SGCD: variants seen among roughly 807,000 people sequenced by gnomAD.
SGCD encodes delta-sarcoglycan.
Under a neutral mutation model 36.6 loss-of-function variants are expected in SGCD, and 18 were observed. The observed-to-expected ratio is 0.49, with a 90% CI of 0.34 to 0.73. SGCD has a LOEUF of 0.73. Ranked by LOEUF, SGCD falls within the 30% of genes least tolerant of loss-of-function variation. The probability of loss-of-function intolerance (pLI) is 0.01; values close to 1 mark genes in which losing one functional copy is unlikely to be tolerated. For missense variants in SGCD, 387 were observed against 346.7 expected (o/e 1.12, Z -0.92); for synonymous variants, 133 against 130.6 (o/e 1.02, Z -0.12).
At chr5:156,616,205 A>G (rs1045372030) in intron 6 of SGCD, among the ~76,000 whole-genome samples, 2 of 152,214 alleles carry the variant, frequency 1.3e-5, no homozygotes, top group African/African-American at 2.4e-5. Flanking sequence ...TCATCCTAAT[A>G]TAAATACAAC....
chr5:155,976,843 A>G (rs1290974741), intron 1 of SGCD, among the ~76,000 whole-genome samples: 1 of 151,952 alleles, frequency 6.6e-6, no homozygotes, highest in African/African-American at 2.4e-5. Context: ...AGCTGCCCAC[A>G]TCTCTCCAAG....
chr5:156,576,733 G>A (rs1244394228), intron 4 of SGCD, among the ~76,000 whole-genome samples: 1 of 152,116 alleles, frequency 6.6e-6, no homozygotes, highest in Non-Finnish European at 1.5e-5. Context: ...CTTTTGAAAA[G>A]TGTCTGTTCA....
At chr5:156,498,935 CGTGTGTGT>C (rs71577198) in intron 3 of SGCD, among the ~76,000 whole-genome samples, 23,315 of 149,424 alleles carry the variant, frequency 0.16, 2,237 homozygotes, top group East Asian at 0.24. Flanking sequence ...ATGTGTGCTA[CGTGTGTGT>C]GTGTGTGTGT....
chr5:155,939,172 T>C (rs1026387407), intron 1 of SGCD, among the ~76,000 whole-genome samples: 1 of 152,242 alleles, frequency 6.6e-6, no homozygotes, highest in East Asian at 1.9e-4. Flanking sequence ...CAATGGATTG[T>C]ATTCTTGAAA....
chr5:156,691,225 AAG>A (rs1561859678), intron 7 of SGCD, among the ~76,000 whole-genome samples: 2 of 150,278 alleles, frequency 1.3e-5, no homozygotes, highest in Non-Finnish European at 3.0e-5. Flanking sequence ...AAAAAAAAAA[AAG>A]AGAGAGACCC....
chr5:156,596,335 A>G (rs183065586), intron 6 of SGCD, among the ~76,000 whole-genome samples: 1 of 152,214 alleles, frequency 6.6e-6, no homozygotes, highest in Admixed American at 6.5e-5. Context: ...TAGCTGTGTA[A>G]CCTTAAGCAA....
chr5:156,074,056 G>C (rs922458439), intron 1 of SGCD, among the ~76,000 whole-genome samples: 5 of 152,236 alleles, frequency 3.3e-5, no homozygotes, highest in African/African-American at 1.2e-4. Flanking sequence ...ATAAGGAAGA[G>C]AAATGGAGGG....
intron 4 of SGCD, among the ~76,000 whole-genome samples, chr5:156,560,282 G>A (rs1036258744): frequency 2.6e-5 from 4 of 152,056 alleles, no homozygotes; most frequent in South Asian, 2.1e-4. Context: ...GCACCCTCCC[G>A]CAAGTTCTCA....
chr5:155,793,010 C>T, the SGCD span, among the ~76,000 whole-genome samples: 1 of 152,150 alleles, frequency 6.6e-6, no homozygotes, highest in African/African-American at 2.4e-5. Flanking sequence ...CCTAGGTGCC[C>T]ATCAGTGGTG....
At chr5:155,974,365 T>C (rs902284847) in intron 1 of SGCD, among the ~76,000 whole-genome samples, 1 of 152,088 alleles carries the variant, frequency 6.6e-6, no homozygotes, top group Non-Finnish European at 1.5e-5. Context: ...CTGGTTCTGT[T>C]GTATCCCATG....
At chr5:156,111,779 A>AT (rs200904500) in intron 1 of SGCD, among the ~76,000 whole-genome samples, 278 of 144,062 alleles carry the variant, frequency 1.9e-3, no homozygotes, top group Non-Finnish European at 2.0e-3. Context: ...ATAGAGGTGT[A>AT]TTTTTTTTTT....
the SGCD span, among the ~76,000 whole-genome samples, chr5:155,847,496 A>G: frequency 1.3e-5 from 2 of 152,152 alleles, no homozygotes; most frequent in African/African-American, 4.8e-5. Flanking sequence ...GTTGAGTTCT[A>G]TTTCCCCTTT....
chr5:156,241,559 C>G lies in SGCD; in HGVS notation c.-43-87975C>G, dbSNP rs150494716. ...GACATGTGATTCCAGGCTGCTCCAT[C>G]CAGTTTTTCCTTCTTTAAGAACTTT... On this transcript the variant is annotated intron_variant, in intron 3 of 9. Transcript: ENST00000517913. 3.9e-3 allele frequency among the ~76,000 whole-genome samples: 595 copies of G among 152,226 alleles called. 4 individuals carry two copies. Among genetic ancestry groups the G allele is most frequent in the Middle Eastern group, 6.8e-3 (2 of 294 alleles).
intron 3 of SGCD, among the ~76,000 whole-genome samples, chr5:156,244,818 A>G (rs1452333213): frequency 6.6e-6 from 1 of 152,212 alleles, no homozygotes. Context: ...AACTTCAGTC[A>G]TCAGCATAGA....
chr5:156,400,889 A>G (rs1772111353), intron 3 of SGCD, among the ~76,000 whole-genome samples: 1 of 152,230 alleles, frequency 6.6e-6, no homozygotes, highest in Non-Finnish European at 1.5e-5. Flanking sequence ...TTGCATTAGA[A>G]TGAAGAACTG....
chr5:156,170,260 A>G (rs1037153110), intron 3 of SGCD, among the ~76,000 whole-genome samples: 20 of 152,214 alleles, frequency 1.3e-4, no homozygotes, highest in African/African-American at 4.6e-4. Context: ...AGTAAGATGA[A>G]TTCCTCTCTT....
At chr5:156,481,013 A>G (rs549157855) in intron 3 of SGCD, among the ~76,000 whole-genome samples, 1 of 152,338 alleles carries the variant, frequency 6.6e-6, no homozygotes, top group East Asian at 1.9e-4. Flanking sequence ...ACATTATCAC[A>G]GTTTTGAACA....
At chr5:156,269,776 C>T (rs753737486) in intron 3 of SGCD, among the ~76,000 whole-genome samples, 1 of 152,156 alleles carries the variant, frequency 6.6e-6, no homozygotes, top group African/African-American at 2.4e-5. Context: ...AGACCTTTGT[C>T]AGATGCATAG....
the SGCD span, among the ~76,000 whole-genome samples, chr5:155,853,758 T>C: frequency 1.3e-5 from 2 of 152,206 alleles, no homozygotes; most frequent in Non-Finnish European, 2.9e-5. Flanking sequence ...CTTAAAATAA[T>C]TTCAAAATGA....
Sources: allele counts gnomAD v4.1 joint callset (sites outside exome capture counted in the v4.1 genomes callset), GRCh38; gene constraint gnomAD v4.1.1; transcripts MANE v1.5; gene names NCBI Gene and HGNC (gene_info 2026-07-23, HGNC 2026-07-21).